SLC4A4: variants seen among roughly 807,000 people sequenced by gnomAD.
SLC4A4 encodes the protein electrogenic sodium bicarbonate cotransporter 1.
A neutral mutation model predicts 111.5 loss-of-function variants in SLC4A4; 27 were observed. The ratio of observed to expected loss-of-function variants is 0.24; its 90% CI spans 0.18 to 0.33. The LOEUF (loss-of-function observed/expected upper bound fraction) is 0.33. Among genes scored for constraint, SLC4A4 ranks in the 10% least tolerant of loss-of-function variants. SLC4A4 has a pLI of 1.00. For synonymous variants in SLC4A4, 443 were observed against 463.4 expected, an observed-to-expected ratio of 0.96 and a Z score of 0.57; for missense variants, 909 against 1,315.5, an observed-to-expected ratio of 0.69 and a Z score of 4.78.
intron 7 of SLC4A4, among the ~76,000 whole-genome samples, chr4:71,425,686 G>C (rs1323989110): frequency 6.6e-6 from 1 of 152,084 alleles, no homozygotes; most frequent in African/African-American, 2.4e-5. Context: ...AACTCAAAGT[G>C]GGGGTGGATG....
intron 3 of SLC4A4, among the ~76,000 whole-genome samples, chr4:71,257,060 A>G (rs960251307): frequency 5.9e-5 from 9 of 152,212 alleles, no homozygotes; most frequent in African/African-American, 2.2e-4. Context: ...TGCCAGCAGC[A>G]CTCAGATAGG....
chr4:71,296,968 A>G (rs1724844867), intron 3 of SLC4A4, among the ~76,000 whole-genome samples: 1 of 152,242 alleles, frequency 6.6e-6, no homozygotes, highest in Non-Finnish European at 1.5e-5. Flanking sequence ...TATTAAAGAT[A>G]AGATAAGTTC....
intron 2 of SLC4A4, among the ~76,000 whole-genome samples, chr4:71,120,740 T>C (rs540553521): frequency 6.6e-6 from 1 of 152,030 alleles, no homozygotes; most frequent in Non-Finnish European, 1.5e-5. Context: ...TGGTGGCGGG[T>C]GCCTGTAATC....
intron 16 of SLC4A4, among the ~76,000 whole-genome samples, chr4:71,508,852 C>T (rs1057405475): frequency 2.0e-5 from 3 of 152,150 alleles, no homozygotes; most frequent in Non-Finnish European, 4.4e-5. Flanking sequence ...ATGCAAAAAT[C>T]TTCAACAAAA....
At chr4:71,114,659 A>T (rs1458446179) in intron 2 of SLC4A4, among the ~76,000 whole-genome samples, 2,786 of 142,230 alleles carry the variant, frequency 0.02, 126 homozygotes, top group African/African-American at 0.072. Flanking sequence ...CCAGTTAGAA[A>T]GGCAATCATT....
chr4:71,259,015 G>T lies in SLC4A4; in HGVS notation c.253+3616G>T, dbSNP rs138248640. ...ACCGTGGCACATGCCTATAGTCCCAGGTGCTCCAGAGGCTGAGGTGGGAGG... is the reference window on the plus strand; with the variant it reads ...ACCGTGGCACATGCCTATAGTCCCATGTGCTCCAGAGGCTGAGGTGGGAGG... On this transcript the variant is annotated intron_variant, in intron 3 of 25. Coordinates refer to ENST00000264485, the MANE Select transcript of SLC4A4 (RefSeq NM_001098484.3). 1.6e-4 allele frequency among the ~76,000 whole-genome samples: 24 copies of T among 152,322 alleles called. No individual in the cohort carries two copies. In the East Asian group the frequency reaches 4.6e-3, roughly 29 times the overall value.
chr4:71,114,741 C>T (rs1294836204), intron 2 of SLC4A4, among the ~76,000 whole-genome samples: 1 of 139,730 alleles, frequency 7.2e-6, no homozygotes, highest in Non-Finnish European at 1.5e-5. Flanking sequence ...GTTGGTGGGA[C>T]TGTAAACTAG....
At chr4:71,297,585 C>CTTTT (rs112132682) in intron 3 of SLC4A4, among the ~76,000 whole-genome samples, 2 of 115,046 alleles carry the variant, frequency 1.7e-5, no homozygotes, top group Non-Finnish European at 3.6e-5. Context: ...ATTGGTGAAT[C>CTTTT]TTTTTTTTTT....
At chr4:71,474,730 A>G (rs1728203561) in intron 14 of SLC4A4, among the ~76,000 whole-genome samples, 1 of 151,892 alleles carries the variant, frequency 6.6e-6, no homozygotes, top group East Asian at 1.9e-4. Context: ...AAAGTTATAT[A>G]AAGTAGAAAT....
At chr4:71,203,301 T>C (rs547072947) in intron 1 of SLC4A4, among the ~76,000 whole-genome samples, 1 of 152,314 alleles carries the variant, frequency 6.6e-6, no homozygotes, top group East Asian at 1.9e-4. Flanking sequence ...AAGAAGATAA[T>C]GCTAGTGTAG....
At chr4:71,514,651 A>G (rs1049958830) in intron 16 of SLC4A4, among the ~76,000 whole-genome samples, 1 of 152,182 alleles carries the variant, frequency 6.6e-6, no homozygotes, top group Non-Finnish European at 1.5e-5. Flanking sequence ...GAGACATTTT[A>G]TTACTGATTC....
At chr4:71,547,264 T>G (rs1409708334) in intron 19 of SLC4A4, among the ~76,000 whole-genome samples, 2 of 152,034 alleles carry the variant, frequency 1.3e-5, no homozygotes, top group Non-Finnish European at 2.9e-5. Context: ...CAATGTAATA[T>G]CTGTCTCCTA....
chr4:71,091,592 T>C (rs1742390699), intron 1 of SLC4A4, among the ~76,000 whole-genome samples: 1 of 152,044 alleles, frequency 6.6e-6, no homozygotes, highest in Non-Finnish European at 1.5e-5. Flanking sequence ...GTGGATGAAC[T>C]GAGGAGGTGG....
At chr4:71,558,481 C>A (rs1277995072) in intron 22 of SLC4A4, among the ~76,000 whole-genome samples, 1 of 151,896 alleles carries the variant, frequency 6.6e-6, no homozygotes, top group Non-Finnish European at 1.5e-5. Flanking sequence ...AAGCAACTAA[C>A]GTTTCACTCT....
rs950929121 is a variant in SLC4A4 at position 71,088,620 on chromosome 4, T to C, written c.-64-4110T>C. On this transcript the variant is annotated intron_variant, in intron 1 of 26. Coordinates refer to the SLC4A4 transcript ENST00000649996. ...ACTTGGTGGTGACAAAATCTCTCAGTATTTGCTTGTCTGTAAAGGATTTTA... is the reference window on the plus strand; with the variant it reads ...ACTTGGTGGTGACAAAATCTCTCAGCATTTGCTTGTCTGTAAAGGATTTTA... Among the ~76,000 whole-genome samples, 7 of 151,954 alleles carry C rather than the reference T, an allele frequency of 4.6e-5. 1 individual carries two copies. Among genetic ancestry groups the C allele is most frequent in the African/African-American group, 1.5e-4 (6 of 41,254 alleles).
At chr4:71,147,171 T>A (rs1744198744) in intron 2 of SLC4A4, among the ~76,000 whole-genome samples, 1 of 152,192 alleles carries the variant, frequency 6.6e-6, no homozygotes, top group Admixed American at 6.5e-5. Flanking sequence ...AACAAACTTT[T>A]CTCTCTTTTT....
chr4:71,147,001 A>G (rs977205720), intron 2 of SLC4A4, among the ~76,000 whole-genome samples: 31 of 151,758 alleles, frequency 2.0e-4, no homozygotes, highest in Non-Finnish European at 4.0e-4. Flanking sequence ...CCCATCTCAC[A>G]TGCAGAGACA....
At chr4:71,178,239 A>T (rs1745157924) in intron 2 of SLC4A4, among the ~76,000 whole-genome samples, 1 of 152,160 alleles carries the variant, frequency 6.6e-6, no homozygotes, top group South Asian at 2.1e-4. Flanking sequence ...AAAGATCTAA[A>T]ATTGACACCC....
chr4:71,179,689 A>G (rs1374989762), intron 2 of SLC4A4, among the ~76,000 whole-genome samples: 2 of 152,202 alleles, frequency 1.3e-5, no homozygotes, highest in African/African-American at 2.4e-5. Flanking sequence ...CCGCTGCTCA[A>G]TGAAATAAAA....
Sources: gnomAD v4.1 joint callset for allele counts (sites outside exome capture counted in the v4.1 genomes callset) on GRCh38, gnomAD v4.1.1 for gene constraint, MANE v1.5 for transcripts, NCBI Gene and HGNC (gene_info 2026-07-23, HGNC 2026-07-21) for gene names.